The following SPEN variants were observed in gnomAD, a reference collection of about 807,000 sequenced individuals.
SPEN encodes spen family transcriptional repressor.
A neutral mutation model predicts 269.9 loss-of-function variants in SPEN; 18 were observed. The ratio of observed to expected loss-of-function variants is 0.07; its 90% confidence interval spans 0.05 to 0.10. The LOEUF is 0.10. SPEN is among the 10% of genes least tolerant of loss of function. The pLI, the probability that SPEN is intolerant of heterozygous loss-of-function variation, is 1.00. For synonymous variants in SPEN, 1,726 were observed against 1,765.7 expected (o/e 0.98, Z 0.56); for missense variants, 3,822 against 4,631.2 (o/e 0.83, Z 5.07).
At chr1:15,925,130 C>T (rs1295976871) in intron 10 of SPEN, among the ~76,000 whole-genome samples, 2 of 152,206 alleles carry the variant, frequency 1.3e-5, no homozygotes, top group Non-Finnish European at 2.9e-5. Flanking sequence ...CCCTCTAATA[C>T]TCTGTCAGGT....
rs1261403052 is a variant in SPEN at position 15,931,413 on chromosome 1, G to A, written c.5173G>A (p.Gly1725Ser). The change falls in exon 11 of 15, where the codon GGT becomes AGT. Residue 1725 changes from glycine (G) to serine (S), a missense_variant. Coordinates refer to ENST00000375759, the MANE Select transcript of SPEN (RefSeq NM_015001.3). This position sits in a 1 kb window ranked among gnomAD's most constrained non-coding sequence, Gnocchi z 4.8. ...MPAGVEEGSS[G>S]DQPPYLDAKP... is the part of the protein sequence containing the mutation. ...TGCGGGTGTTGAGGAAGGTTCATCA[G>A]GTGACCAGCCGCCTTATCTGGATGC... The A allele has an allele frequency of 6.2e-7, 1 of 1,614,158 alleles. No homozygotes were observed. The highest frequency in any genetic ancestry group is 2.2e-5 in the East Asian group (1 of 44,892).
intron 3 of SPEN, among the ~76,000 whole-genome samples, chr1:15,907,255 G>A (rs1464628179): frequency 6.6e-6 from 1 of 152,116 alleles, no homozygotes; most frequent in African/African-American, 2.4e-5. Context: ...GCTGAGGTGG[G>A]CGGATCACTT....
intron 3 of SPEN, among the ~76,000 whole-genome samples, chr1:15,894,822 C>T (rs1030579301): frequency 6.6e-6 from 1 of 151,778 alleles, no homozygotes; most frequent in Admixed American, 6.6e-5. Context: ...CGTGAGCCAC[C>T]GCGCCCGGCC....
chr1:15,866,878 T>A (rs1370350450), intron 1 of SPEN, among the ~76,000 whole-genome samples: 2 of 152,156 alleles, frequency 1.3e-5, no homozygotes, highest in Non-Finnish European at 2.9e-5. Flanking sequence ...TACAGTTGAT[T>A]TATAGTGAGA....
chr1:15,874,999 C>T (rs1220244307), intron 2 of SPEN, among the ~76,000 whole-genome samples: 5 of 151,998 alleles, frequency 3.3e-5, no homozygotes, highest in Non-Finnish European at 7.4e-5. Context: ...GCCAGATATT[C>T]TTCATTGGAG....
chr1:15,920,816 CACT>C, intron 8 of SPEN, 51 bp from the exon 9 acceptor site: 1 of 948,310 alleles, frequency 1.1e-6, no homozygotes, highest in Non-Finnish European at 1.6e-6. Flanking sequence ...TTGGGACTGA[CACT>C]AAGTCCAGTG....
At chr1:15,852,928 C>T (rs1569960619) in intron 1 of SPEN, among the ~76,000 whole-genome samples, 1 of 152,182 alleles carries the variant, frequency 6.6e-6, no homozygotes, top group East Asian at 1.9e-4. Flanking sequence ...TGGATCACGG[C>T]TCAATGCAGC....
rs1485859284 is a variant in SPEN at position 15,848,506 on chromosome 1, G to A, written c.83+356G>A. Among the ~76,000 whole-genome samples the A allele has an allele frequency of 9.2e-5, 14 of 152,054 alleles. No homozygotes were observed. The South Asian group carries it at 2.5e-3, about 27-fold the overall frequency. On this transcript the variant is annotated intron_variant, in intron 1 of 14. Coordinates refer to ENST00000375759, the MANE Select transcript of SPEN (RefSeq NM_015001.3). The surrounding 1 kb of genome is among the most constrained non-coding windows in gnomAD (Gnocchi z 5.1). The stretch of plus-strand genomic sequence containing the variant: ...CGCTGGGCGGCGGGGTCGCGTCCTT[G>A]CGCGCAGTGCCCGGCCCGGAGCAGC...
At chr1:15,906,696 G>A (rs1366502669) in intron 3 of SPEN, among the ~76,000 whole-genome samples, 1 of 150,422 alleles carries the variant, frequency 6.6e-6, no homozygotes, top group Non-Finnish European at 1.5e-5. Context: ...ACTCCTGGCC[G>A]CAAGTGATTC....
intron 3 of SPEN, among the ~76,000 whole-genome samples, chr1:15,895,026 A>G (rs1421292488): frequency 6.6e-6 from 1 of 151,902 alleles, no homozygotes; most frequent in Non-Finnish European, 1.5e-5. Context: ...GGGTTCAAGC[A>G]ATTCTCCTGT....
In SPEN at chr1:15,896,879, G is replaced by A. The variant is rs189827940; in HGVS notation, c.882-12442G>A. 2.4e-3 allele frequency among the ~76,000 whole-genome samples: 363 copies of A among 152,206 alleles called. 2 individuals carry two copies. The highest frequency in any genetic ancestry group is 3.5e-3 in the Non-Finnish European group (239 of 68,004). ...GCTACTTAGGAGGCTGAGGTGGGAG[G>A]ATTGCTTGAGCCCAGGAGGTTGAGG... On this transcript the variant is annotated intron_variant, in intron 3 of 14. Coordinates refer to ENST00000375759, the MANE Select transcript of SPEN (RefSeq NM_015001.3).
intron 1 of SPEN, among the ~76,000 whole-genome samples, chr1:15,860,129 T>C (rs1198530708): frequency 6.6e-6 from 1 of 151,756 alleles, no homozygotes; most frequent in African/African-American, 2.4e-5. Context: ...GCCAGGATGG[T>C]CTCGATCTCC....
At position 15,933,935 on chromosome 1, in the gene SPEN, C is replaced by T. The variant is rs781758691; in HGVS notation, c.7695C>T (p.Ala2565=). Residue 2565 remains alanine, a synonymous_variant, in exon 11 of 15, where the codon GCC becomes GCT. Coordinates refer to ENST00000375759, the MANE Select transcript of SPEN (RefSeq NM_015001.3). This position sits in a 1 kb window ranked among gnomAD's most constrained non-coding sequence, Gnocchi z 5.7. The part of the protein sequence containing the change: ...TTAIAEPVSA[A]PCLHEAPPPP... ...CCATTGCAGAGCCTGTCAGTGCTGC[C>T]CCTTGCCTACATGAGGCCCCGCCCC... 4.3e-6 allele frequency: 7 copies of T among 1,614,024 alleles called. No homozygotes were observed. The East Asian group carries it at 8.9e-5, about 21-fold the overall frequency.
intron 5 of SPEN, 27 bp downstream of exon 5, chr1:15,911,328 G>C (rs758694709): frequency 6.3e-6 from 10 of 1,590,556 alleles, no homozygotes; most frequent in Non-Finnish European, 8.6e-6. Flanking sequence ...CTGAGTTTGA[G>C]TTACTCATCA....
intron 1 of SPEN, among the ~76,000 whole-genome samples, chr1:15,854,397 C>T (rs1314851598): frequency 6.6e-6 from 1 of 152,032 alleles, no homozygotes; most frequent in Non-Finnish European, 1.5e-5. Flanking sequence ...TTTTACTTGC[C>T]TTACAGCTAC....
rs2071326158 is a variant in SPEN, at chr1:15,940,025, T to C, written c.*598T>C. 4.4e-6 allele frequency: 1 copy of C among 228,970 alleles called. No homozygotes were observed. Among genetic ancestry groups the C allele is most frequent in the African/African-American group, 2.2e-5 (1 of 44,926 alleles). 14.2% of individuals were successfully genotyped at this position (228,970 alleles called of 1,614,324 possible). A position where few individuals can be genotyped will look rare whatever the true frequency, so the allele number is the denominator to read the frequency against. On this transcript the variant is annotated 3_prime_UTR_variant, in exon 15 of 15. Transcript: ENST00000375759. ...GTCTTTGATTCACCGGGATGTACAG[T>C]TTACAGTTGAAGAGCAAACAGAAAG... is the stretch of plus-strand genomic sequence containing the variant.
At chr1:15,910,342 G>T (rs1246410457) in intron 4 of SPEN, among the ~76,000 whole-genome samples, 1 of 151,846 alleles carries the variant, frequency 6.6e-6, no homozygotes, top group Non-Finnish European at 1.5e-5. Flanking sequence ...CCCCCAGATG[G>T]TATGATTCAT....
At position 15,931,596 on chromosome 1, in the gene SPEN, G is replaced by T; in HGVS notation, c.5356G>T (p.Asp1786Tyr). 1.2e-6 allele frequency: 2 copies of T among 1,614,124 alleles called. No individual in the cohort carries two copies. Among genetic ancestry groups the T allele is most frequent in the Non-Finnish European group, 1.7e-6 (2 of 1,180,008 alleles). ...AGACGCCACTGCAGATGCTGAGCCT[G>T]ATGCAAACCAGAAAGCCGAAGCTGC... ...KPDATADAEPDANQKAEAAPE... is the reference protein window; with the variant it reads ...KPDATADAEPYANQKAEAAPE... The change falls in exon 11 of 15, where the codon GAT (aspartate) becomes TAT (tyrosine). Residue 1786 changes from aspartate (D) to tyrosine (Y), a missense_variant. By Grantham distance (160) the Asp-to-Tyr change is radical (BLOSUM62 -3). Coordinates refer to ENST00000375759, the MANE Select transcript of SPEN (RefSeq NM_015001.3). The surrounding 1 kb of genome is among the most constrained non-coding windows in gnomAD (Gnocchi z 4.8).
At position 15,848,722 on chromosome 1, in the gene SPEN, G is replaced by T. The variant is rs900510110; in HGVS notation, c.83+572G>T. On this transcript the variant is annotated intron_variant, in intron 1 of 14. Transcript: ENST00000375759. The surrounding 1 kb of genome is among the most constrained non-coding windows in gnomAD (Gnocchi z 5.1). ...CATCTAGGACCTCTCCGGAGGATTT[G>T]CAGCCTTGAAACTCACTGGGAATGG... Among the ~76,000 whole-genome samples the T allele has an allele frequency of 2.0e-5, 3 of 152,212 alleles. No homozygotes were observed. Among genetic ancestry groups the T allele is most frequent in the African/African-American group, 7.2e-5 (3 of 41,464 alleles).
Sources: allele counts gnomAD v4.1 joint callset (sites outside exome capture counted in the v4.1 genomes callset), GRCh38; gene constraint gnomAD v4.1.1; non-coding constraint Gnocchi (gnomAD v3.1); transcripts MANE v1.5; gene names NCBI Gene and HGNC (gene_info 2026-07-23, HGNC 2026-07-21).